ALKBH5: variants seen among roughly 807,000 people sequenced by gnomAD.
ALKBH5 encodes the protein RNA demethylase ALKBH5.
In ALKBH5, 2 loss-of-function variants were observed where a neutral mutation model predicts 32.1. That is an observed-to-expected ratio of 0.06 (90% CI 0.03 to 0.20). ALKBH5 has a LOEUF of 0.20. ALKBH5 is among the 10% of genes least tolerant of loss of function. The probability of loss-of-function intolerance (pLI) is 1.00; values close to 1 mark genes in which losing one functional copy is unlikely to be tolerated. For synonymous variants in ALKBH5, 300 were observed against 231.7 expected (o/e 1.29, Z -2.68); for missense variants, 352 against 559.5 (o/e 0.63, Z 3.74).
At chr17:18,201,827 AGATAGATAGAT>A (rs1446812443) in intron 2 of ALKBH5, among the ~76,000 whole-genome samples, 2 of 101,168 alleles carry the variant, frequency 2.0e-5, no homozygotes, top group Admixed American at 9.5e-5. Context: ...ATAGATAGAT[AGATAGATAGAT>A]GATAGATAGA....
In ALKBH5 at chr17:18,184,034, C is replaced by T. The variant is rs775490114; in HGVS notation, c.-210C>T. On this transcript the variant is annotated 5_prime_UTR_variant, in exon 1 of 4. Coordinates refer to ENST00000399138, the MANE Select transcript of ALKBH5 (RefSeq NM_017758.4). ...GGAGAAGGTGGAGGAGGAAGAAGCC[C>T]CGTTGTCGCCACCGTTGCATGACCC... is the stretch of plus-strand genomic sequence containing the variant. 7.4e-6 allele frequency: 5 copies of T among 675,174 alleles called. No homozygotes were observed. The highest frequency in any genetic ancestry group is 2.4e-4 in the Middle Eastern group (1 of 4,228). The allele number at this position is 675,174 out of a possible 1,614,324, so 41.8% of individuals were successfully genotyped here. A position where few individuals can be genotyped will look rare whatever the true frequency, so the allele number is the denominator to read the frequency against.
chr17:18,185,019 C>G lies in ALKBH5; in HGVS notation c.770+6C>G. Reference sequence around the variant, plus strand: ...GGAAGCGTGACTGTGCTCAGGTAACCCACCCGGGTGGAGGGGGCGGCCCTG... The same window carrying G: ...GGAAGCGTGACTGTGCTCAGGTAACGCACCCGGGTGGAGGGGGCGGCCCTG... On this transcript the variant is annotated splice_donor_region_variant and intron_variant, in intron 1 of 3. Coordinates refer to ENST00000399138, the MANE Select transcript of ALKBH5 (RefSeq NM_017758.4). The G allele has an allele frequency of 6.2e-7, 1 of 1,601,402 alleles. No individual in the cohort carries two copies. Among genetic ancestry groups the G allele is most frequent in the Non-Finnish European group, 8.5e-7 (1 of 1,174,790 alleles).
At position 18,184,321 on chromosome 17, in the gene ALKBH5, C is replaced by T. The variant is rs1193754032; in HGVS notation, c.78C>T (p.Gly26=). ...SMTSRDNYKA[G]SREAAAAAAA... is the part of the protein sequence containing the mutation. ...CGTCCCGGGACAACTATAAGGCGGG[C>T]AGCCGGGAGGCCGCCGCCGCTGCCG... The change falls in exon 1 of 4, where the codon GGC becomes GGT. Residue 26 remains glycine (G), a synonymous_variant. Coordinates refer to ENST00000399138, the MANE Select transcript of ALKBH5 (RefSeq NM_017758.4). The T allele has an allele frequency of 6.6e-7, 1 of 1,515,982 alleles. No homozygotes were observed. Among genetic ancestry groups the T allele is most frequent in the Non-Finnish European group, 8.8e-7 (1 of 1,135,646 alleles). The allele number at this position is 1,515,982 out of a possible 1,614,324, so 93.9% of individuals were successfully genotyped here.
At chr17:18,206,682 T>G in intron 2 of ALKBH5, 133 bp from the exon 3 acceptor site, 1 of 915,140 alleles carries the variant, frequency 1.1e-6, no homozygotes, top group Non-Finnish European at 1.7e-6. Context: ...TCAAGGAGAG[T>G]GAGGTACAGA....
intron 2 of ALKBH5, among the ~76,000 whole-genome samples, chr17:18,199,401 A>G (rs1382739147): frequency 3.9e-5 from 6 of 152,234 alleles, no homozygotes; most frequent in Non-Finnish European, 1.5e-5. Flanking sequence ...ATAATAATTC[A>G]TCTGTGAGGG....
Position 18,208,603 on chromosome 17 carries a change from T to G in ALKBH5, c.*207T>G. The G allele has an allele frequency of 1.5e-6, 1 of 680,760 alleles. No individual in the cohort carries two copies. The highest frequency in any genetic ancestry group is 2.6e-6 in the Non-Finnish European group (1 of 384,410). 42.2% of individuals were successfully genotyped at this position (680,760 alleles called of 1,614,324 possible). ...GACCTAGGTTCTCATATTCTTGGTA[T>G]TCCTCCTGGATGGAAAGGCTGTTGG... On this transcript the variant is annotated 3_prime_UTR_variant, in exon 4 of 4. Transcript: ENST00000399138.
intron 2 of ALKBH5, among the ~76,000 whole-genome samples, chr17:18,195,829 A>G (rs1448787004): frequency 6.6e-6 from 1 of 152,238 alleles, no homozygotes; most frequent in Admixed American, 6.5e-5. Context: ...ATAGAGTCCC[A>G]GAGAAGATAG....
intron 1 of ALKBH5, among the ~76,000 whole-genome samples, chr17:18,189,008 A>C (rs1567673956): frequency 6.6e-6 from 1 of 152,122 alleles, no homozygotes; most frequent in Non-Finnish European, 1.5e-5. Flanking sequence ...CGGAGGTTGC[A>C]ATGAGCCGAG....
intron 1 of ALKBH5, among the ~76,000 whole-genome samples, chr17:18,189,079 A>G (rs745764855): frequency 3.5e-5 from 5 of 141,304 alleles, no homozygotes; most frequent in Non-Finnish European, 7.9e-5. Context: ...AAAAAATAAT[A>G]AAAAAAAAAA....
intron 1 of ALKBH5, among the ~76,000 whole-genome samples, chr17:18,193,114 T>A (rs925062446): frequency 1.3e-4 from 20 of 151,706 alleles, no homozygotes; most frequent in Non-Finnish European, 2.2e-4. Flanking sequence ...CACCTTGGCC[T>A]CCCAAAGTGC....
At chr17:18,198,642 C>T (rs185049579) in intron 2 of ALKBH5, among the ~76,000 whole-genome samples, 1 of 152,280 alleles carries the variant, frequency 6.6e-6, no homozygotes, top group East Asian at 1.9e-4. Context: ...ATTGCACAGG[C>T]TGCTGGTGGA....
chr17:18,208,585 G>A lies in ALKBH5; in HGVS notation c.*189G>A. Reference sequence around the variant, plus strand: ...AAGAATAGAATTGGCCAGGACCTAGGTTCTCATATTCTTGGTATTCCTCCT... The same window carrying A: ...AAGAATAGAATTGGCCAGGACCTAGATTCTCATATTCTTGGTATTCCTCCT... On this transcript the variant is annotated 3_prime_UTR_variant, in exon 4 of 4. Transcript: ENST00000399138. The A allele has an allele frequency of 2.7e-6, 2 of 736,598 alleles. No homozygotes were observed. Among genetic ancestry groups the A allele is most frequent in the Non-Finnish European group, 2.3e-6 (1 of 428,094 alleles). The allele number at this position is 736,598 out of a possible 1,614,324, so 45.6% of individuals were successfully genotyped here.
chr17:18,201,344 C>G (rs1273828979), intron 2 of ALKBH5, among the ~76,000 whole-genome samples: 1 of 152,238 alleles, frequency 6.6e-6, no homozygotes, highest in Non-Finnish European at 1.5e-5. Flanking sequence ...AATGGGATCA[C>G]CAGGAAGGTG....
At chr17:18,188,334 A>G (rs2047152172) in intron 1 of ALKBH5, among the ~76,000 whole-genome samples, 1 of 152,244 alleles carries the variant, frequency 6.6e-6, no homozygotes, top group African/African-American at 2.4e-5. Context: ...CCAGAGACCC[A>G]GGCCTAGGCC....
intron 2 of ALKBH5, among the ~76,000 whole-genome samples, chr17:18,204,449 TAA>T (rs35918446): frequency 0.22 from 30,712 of 142,324 alleles, 3,423 homozygotes; most frequent in Middle Eastern, 0.33. Flanking sequence ...AAAACTCTCT[TAA>T]AAAAAAAAAA....
At position 18,208,771 on chromosome 17, in the gene ALKBH5, A is replaced by C. The variant is rs1376105835; in HGVS notation, c.*375A>C. On this transcript the variant is annotated 3_prime_UTR_variant, in exon 4 of 4. Transcript: ENST00000399138. ...TGGTTAAGAAAATTATTTTGCTTTC[A>C]GTGTAAATCTTCGCAGTGTTCTAAA... 2 of 352,600 alleles carry C rather than the reference A, an allele frequency of 5.7e-6. No homozygotes were observed. The highest frequency in any genetic ancestry group is 2.3e-5 in the South Asian group (1 of 43,340). 21.8% of individuals were successfully genotyped at this position (352,600 alleles called of 1,614,324 possible). A position where few individuals can be genotyped will look rare whatever the true frequency, so the allele number is the denominator to read the frequency against.
rs1164248193 is a variant in ALKBH5, at chr17:18,208,223, C to T, written c.1012C>T (p.Arg338Trp). Reference sequence around the variant, plus strand: ...CCTACCTCCCTTTCCTTGCAGGCCACGGATCCTGGAGATGGACAAGGAAGA... The same window carrying T: ...CCTACCTCCCTTTCCTTGCAGGCCATGGATCCTGGAGATGGACAAGGAAGA... ...KADPDAAHRP[R>W]ILEMDKEENR... Residue 338 changes from arginine (R) to tryptophan (W), a missense_variant, in exon 4 of 4, where the codon CGG becomes TGG. By Grantham distance (101) the Arg-to-Trp change is moderately radical. Coordinates refer to ENST00000399138, the MANE Select transcript of ALKBH5 (RefSeq NM_017758.4). The T allele has an allele frequency of 1.2e-6, 2 of 1,604,854 alleles. No individual in the cohort carries two copies. Among genetic ancestry groups the T allele is most frequent in the African/African-American group, 1.3e-5 (1 of 74,502 alleles).
chr17:18,190,271 C>T (rs112301734), intron 1 of ALKBH5, among the ~76,000 whole-genome samples: 9 of 152,294 alleles, frequency 5.9e-5, no homozygotes, highest in African/African-American at 1.9e-4. Flanking sequence ...TTTTCAGGGC[C>T]AGGTGCGGTG....
chr17:18,192,200 A>T (rs532321970), intron 1 of ALKBH5, among the ~76,000 whole-genome samples: 60 of 152,284 alleles, frequency 3.9e-4, no homozygotes, highest in African/African-American at 1.4e-3. Flanking sequence ...GGCTTGCCCC[A>T]GGATAGTCCA....
Sources: gnomAD v4.1 joint callset for allele counts (sites outside exome capture counted in the v4.1 genomes callset) on GRCh38, gnomAD v4.1.1 for gene constraint, MANE v1.5 for transcripts, NCBI Gene and HGNC (gene_info 2026-07-23, HGNC 2026-07-21) for gene names.